Variants in STX18 observed in about 807,000 individuals in gnomAD.
STX18 encodes syntaxin 18, also known as syntaxin-18.
Under a neutral mutation model 50.1 loss-of-function variants are expected in STX18, and 40 were observed. That is an observed-to-expected ratio of 0.80 (90% CI 0.62 to 1.04). STX18 has a LOEUF of 1.04. Ranked by LOEUF, STX18 falls within the 50% of genes least tolerant of loss-of-function variation. STX18 has a pLI of 0.00. For missense variants in STX18, 410 were observed against 415.8 expected, an observed-to-expected ratio of 0.99 and a Z score of 0.12; for synonymous variants, 158 against 151.8, an observed-to-expected ratio of 1.04 and a Z score of -0.30.
chr4:4,435,732 G>T (rs1400144983), intron 6 of STX18, among the ~76,000 whole-genome samples: 1 of 152,186 alleles, frequency 6.6e-6, no homozygotes, highest in Admixed American at 6.5e-5. Flanking sequence ...AGATACCTGG[G>T]CATGCAACTG....
chr4:4,492,722 AG>A (rs1353933904), intron 1 of STX18, among the ~76,000 whole-genome samples: 2 of 152,192 alleles, frequency 1.3e-5, no homozygotes, highest in African/African-American at 4.8e-5. Flanking sequence ...CATATGACTA[AG>A]AAGTTTATTT....
chr4:4,473,176 G>GTTTCA (rs1035711542), intron 1 of STX18, among the ~76,000 whole-genome samples: 1 of 152,104 alleles, frequency 6.6e-6, no homozygotes, highest in African/African-American at 2.4e-5. Flanking sequence ...TGTGAGCTTG[G>GTTTCA]TTTCAAAAGC....
At chr4:4,528,399 G>A (rs770406312) in intron 1 of STX18, among the ~76,000 whole-genome samples, 1 of 152,028 alleles carries the variant, frequency 6.6e-6, no homozygotes, top group African/African-American at 2.4e-5. Context: ...AGATCTGCTT[G>A]TTTAAAAGAG....
chr4:4,439,333 A>G (rs1725975959), intron 5 of STX18, among the ~76,000 whole-genome samples: 1 of 148,788 alleles, frequency 6.7e-6, no homozygotes, highest in Non-Finnish European at 1.5e-5. Context: ...ATATATACAC[A>G]CCCACATACA....
At chr4:4,469,973 C>T (rs1727830468) in intron 2 of STX18, among the ~76,000 whole-genome samples, 2 of 152,172 alleles carry the variant, frequency 1.3e-5, no homozygotes, top group Non-Finnish European at 2.9e-5. Flanking sequence ...CACTCCCGAT[C>T]CCTGTTACCT....
At chr4:4,462,036 C>T in intron 2 of STX18, 1 of 453,612 alleles carries the variant, frequency 2.2e-6, no homozygotes, top group South Asian at 1.6e-5. Flanking sequence ...AATTCAAGAG[C>T]AGAGTATCAA....
chr4:4,453,290 T>A (rs1362199075), intron 5 of STX18, among the ~76,000 whole-genome samples: 1 of 152,240 alleles, frequency 6.6e-6, no homozygotes, highest in Non-Finnish European at 1.5e-5. Context: ...ACTCAGTTGA[T>A]GCAGCAAACT....
chr4:4,461,947 T>A, intron 2 of STX18: 1 of 456,322 alleles, frequency 2.2e-6, no homozygotes, highest in Non-Finnish European at 4.4e-6. Context: ...CTCTCTCCTA[T>A]GTTGCAAAGG....
At chr4:4,478,325 G>A (rs1040161028) in intron 1 of STX18, among the ~76,000 whole-genome samples, 3 of 151,878 alleles carry the variant, frequency 2.0e-5, no homozygotes, top group African/African-American at 4.8e-5. Context: ...GCTTTGGATT[G>A]GCAAGCCCAT....
At position 4,462,201 on chromosome 4, in the gene STX18, A is replaced by G. The variant is rs1577344754; in HGVS notation, c.237-2714T>C. Among the ~76,000 whole-genome samples the G allele has an allele frequency of 2.0e-5, 3 of 152,272 alleles. No individual in the cohort carries two copies. The East Asian group carries it at 5.8e-4, about 29-fold the overall frequency. ...CTCCCAGCTCTCTGGCAGGAAACAG[A>G]GGTGGGTTTTGTCTTGTTCAATAAC... On this transcript the variant is annotated intron_variant, in intron 2 of 10. Transcript: ENST00000306200.
intron 1 of STX18, among the ~76,000 whole-genome samples, chr4:4,514,477 T>C (rs1442843818): frequency 6.6e-6 from 1 of 152,242 alleles, no homozygotes; most frequent in African/African-American, 2.4e-5. Context: ...ATGTGATTTC[T>C]ACTAACTTTT....
At chr4:4,428,314 G>A (rs563676249) in intron 7 of STX18, among the ~76,000 whole-genome samples, 1 of 152,306 alleles carries the variant, frequency 6.6e-6, no homozygotes, top group East Asian at 1.9e-4. Context: ...ATCCTTTTCT[G>A]CCTGACCCTG....
chr4:4,482,552 C>G (rs6826679), intron 1 of STX18, among the ~76,000 whole-genome samples: 17,458 of 152,214 alleles, frequency 0.11, 1,466 homozygotes, highest in African/African-American at 0.24. Flanking sequence ...CAGTCCCATC[C>G]ACTCACCTTG....
Position 4,438,484 on chromosome 4 carries a change from T to C in STX18, c.523A>G (p.Thr175Ala), listed in dbSNP as rs373236269. The C allele has an allele frequency of 4.3e-6, 7 of 1,613,518 alleles. No homozygotes were observed. The highest frequency in any genetic ancestry group is 1.7e-5 in the Admixed American group (1 of 59,952). The change falls in exon 6 of 11, where the codon ACA becomes GCA. Residue 175 changes from threonine to alanine, a missense_variant. By Grantham distance (58) the Thr-to-Ala change is moderately conservative. Transcript: ENST00000306200. ...GAAGATGTGGATTCTCTTGTCTTTG[T>C]ATTTGGTTCTGGTTCCAGCTTAGAT... Reference protein sequence around the residue: ...RLSKLEPEPNTKTRESTSSEK... With the variant: ...RLSKLEPEPNAKTRESTSSEK...
At chr4:4,513,516 C>G (rs555686531) in intron 1 of STX18, among the ~76,000 whole-genome samples, 1 of 152,302 alleles carries the variant, frequency 6.6e-6, no homozygotes, top group East Asian at 1.9e-4. Context: ...GGTCATGGCC[C>G]TCACTGCTCT....
chr4:4,450,594 A>G (rs1359619845), intron 5 of STX18, among the ~76,000 whole-genome samples: 2 of 152,168 alleles, frequency 1.3e-5, no homozygotes, highest in Admixed American at 1.3e-4. Context: ...GTGAGCCACT[A>G]CATCCAGCCT....
At chr4:4,457,550 A>G (rs1421202509) in intron 3 of STX18, 50 bp from the exon 4 acceptor site, 1 of 1,384,296 alleles carries the variant, frequency 7.2e-7, no homozygotes, top group African/African-American at 1.4e-5. Flanking sequence ...ATTATCCTAA[A>G]GAGCAATTCA....
intron 1 of STX18, among the ~76,000 whole-genome samples, chr4:4,518,140 C>T (rs1485202874): frequency 1.3e-5 from 2 of 152,162 alleles, no homozygotes; most frequent in Non-Finnish European, 2.9e-5. Flanking sequence ...GGCTTTAAAA[C>T]TTAAATCTAT....
At chr4:4,438,743 C>G (rs1012159624) in intron 5 of STX18, among the ~76,000 whole-genome samples, 10 of 152,000 alleles carry the variant, frequency 6.6e-5, no homozygotes. Context: ...GCAGCCACGG[C>G]ACAGTGACCA....
Sources: gnomAD v4.1 joint callset for allele counts (sites outside exome capture counted in the v4.1 genomes callset) on GRCh38, gnomAD v4.1.1 for gene constraint, MANE v1.5 for transcripts, NCBI Gene and HGNC (gene_info 2026-07-23, HGNC 2026-07-21) for gene names.